Variants in EML6 observed in about 807,000 individuals in gnomAD.
EML6 encodes EMAP like 6.
EML6 carries 154 observed loss-of-function variants against 240.1 expected under a neutral mutation model. The ratio of observed to expected loss-of-function variants is 0.64; its 90% CI spans 0.56 to 0.73. The LOEUF (loss-of-function observed/expected upper bound fraction) is 0.73, where lower values mean the gene tolerates loss of function less well. Ranked by LOEUF, EML6 falls within the 30% of genes least tolerant of loss-of-function variation. The pLI, the probability that EML6 is intolerant of heterozygous loss-of-function variation, is 0.00. For synonymous variants in EML6, 1,148 were observed against 899.0 expected, an observed-to-expected ratio of 1.28 and a Z score of -4.95; for missense variants, 2,964 against 2,474.6, an observed-to-expected ratio of 1.20 and a Z score of -4.20.
chr2:54,765,431 A>T (rs1402008549), intron 2 of EML6, among the ~76,000 whole-genome samples: 2 of 152,164 alleles, frequency 1.3e-5, no homozygotes, highest in African/African-American at 4.8e-5. Flanking sequence ...TACAAACTTA[A>T]GGGCAAACAA....
intron 39 of EML6, 130 bp from the exon 40 acceptor site, chr2:54,967,998 G>A (rs1033375447): frequency 5.3e-5 from 44 of 837,420 alleles, no homozygotes; most frequent in South Asian, 1.6e-4. Flanking sequence ...GTACCGTTCC[G>A]TGGCCTGGCT....
intron 17 of EML6, 47 bp from the exon 18 acceptor site, chr2:54,891,007 C>T: frequency 1.1e-6 from 1 of 902,690 alleles, no homozygotes; most frequent in Non-Finnish European, 1.7e-6. Context: ...AAAACTGTTA[C>T]TGCTTCCATC....
chr2:54,859,639 T>C lies in EML6; in HGVS notation c.1763T>C (p.Val588Ala). 6.4e-7 allele frequency: 1 copy of C among 1,551,318 alleles called. No individual in the cohort carries two copies. Among genetic ancestry groups the C allele is most frequent in the Non-Finnish European group, 8.7e-7 (1 of 1,146,870 alleles). ...AGCACAGGAGGGGCTGATCACTCAG[T>C]TTTCCAGTGGAGGTTTATTCCAGAA... is the stretch of plus-strand genomic sequence containing the variant. ...VLSTGGADHS[V>A]FQWRFIPEGV... The change falls in exon 12 of 42, where the codon GTT (valine) becomes GCT (alanine). Residue 588 changes from valine to alanine, a missense_variant. Physicochemically the swap from Val to Ala is moderately conservative, Grantham distance 64. Transcript: ENST00000356458.
chr2:54,968,649 C>A lies in EML6; in HGVS notation c.5752-19C>A. 6.8e-7 allele frequency: 1 copy of A among 1,471,642 alleles called. No homozygotes were observed. The highest frequency in any genetic ancestry group is 9.3e-7 in the Non-Finnish European group (1 of 1,074,026). The allele number at this position is 1,471,642 out of a possible 1,614,324, so 91.2% of individuals were successfully genotyped here. On this transcript the variant is annotated intron_variant, in intron 40 of 41. Coordinates refer to ENST00000356458, the MANE Select transcript of EML6 (RefSeq NM_001039753.4). ...GGAGCCAGGGTCTCTTAGCTGTCTC[C>A]ATTCACTTTTGCTCACAGGCCAAAC...
intron 16 of EML6, among the ~76,000 whole-genome samples, chr2:54,873,421 A>G (rs1038019876): frequency 1.4e-4 from 22 of 152,244 alleles, no homozygotes; most frequent in Admixed American, 1.2e-3. Flanking sequence ...TGAATAACAC[A>G]GTCAGTAATT....
rs1199001928 is a variant in EML6 at position 54,866,895 on chromosome 2, T to C, written c.2051+11T>C. 3 of 1,483,772 alleles carry C rather than the reference T, an allele frequency of 2.0e-6. No homozygotes were observed. The highest frequency in any genetic ancestry group is 2.5e-5 in the East Asian group (1 of 40,556). 91.9% of individuals were successfully genotyped at this position (1,483,772 alleles called of 1,614,324 possible). A position where few individuals can be genotyped will look rare whatever the true frequency, so the allele number is the denominator to read the frequency against. On this transcript the variant is annotated intron_variant, in intron 14 of 41. Transcript: ENST00000356458. ...CCAGTTCATACACGGGTGGGTGGCC[T>C]GTCATGGGCGCCCGTATGTGTTCCT...
intron 23 of EML6, 50 bp from the exon 24 acceptor site, chr2:54,903,321 A>T (rs1673158138): frequency 1.2e-5 from 19 of 1,536,150 alleles, no homozygotes; most frequent in Non-Finnish European, 1.6e-5. Flanking sequence ...TCCTGGAAGT[A>T]AATTCCTATA....
rs1573000071 is a variant in EML6, at chr2:54,850,270, G to A, written c.1444+52G>A. On this transcript the variant is annotated intron_variant, in intron 10 of 41. Coordinates refer to ENST00000356458, the MANE Select transcript of EML6 (RefSeq NM_001039753.4). ...TTCTGGAAAGCAAAATTTTGAACCAGGTGAAGGAAATACAGGACAAGTGTC... is the reference window on the plus strand; with the variant it reads ...TTCTGGAAAGCAAAATTTTGAACCAAGTGAAGGAAATACAGGACAAGTGTC... 9 of 1,505,874 alleles carry A rather than the reference G, an allele frequency of 6.0e-6. No individual in the cohort carries two copies. In the East Asian group the frequency reaches 1.7e-4, roughly 29 times the overall value. 93.3% of individuals were successfully genotyped at this position (1,505,874 alleles called of 1,614,324 possible).
intron 38 of EML6, among the ~76,000 whole-genome samples, chr2:54,966,537 G>C (rs796272069): frequency 5.3e-5 from 8 of 152,356 alleles, no homozygotes; most frequent in African/African-American, 1.9e-4. Flanking sequence ...GTCACCCACT[G>C]TCCATGAGAA....
Position 54,822,804 on chromosome 2 carries a change from A to G in EML6, c.525+2342A>G, listed in dbSNP as rs143709370. On this transcript the variant is annotated intron_variant, in intron 5 of 41. Transcript: ENST00000356458. ...CCCTTGTATACTTCATTGTAAAATT[A>G]TTTTACAACAATATATATTCCAAAA... is the stretch of plus-strand genomic sequence containing the variant. Among the ~76,000 whole-genome samples the G allele has an allele frequency of 4.8e-3, 725 of 152,310 alleles. 5 individuals carry two copies. The highest frequency in any genetic ancestry group is 0.017 in the African/African-American group (695 of 41,572).
rs190392515 is a variant in EML6 at position 54,894,813 on chromosome 2, G to A, written c.2743-102G>A. ...TCCATCTCATATATTTAGGAAGGTA[G>A]CATCCACAAAGCTTCCTTACCTGCG... On this transcript the variant is annotated intron_variant, in intron 19 of 41. Transcript: ENST00000356458. 1.9e-4 allele frequency: 129 copies of A among 671,304 alleles called. 2 individuals carry two copies. The African/African-American group carries it at 2.1e-3, about 11-fold the overall frequency. 41.6% of individuals were successfully genotyped at this position (671,304 alleles called of 1,614,324 possible).
chr2:54,906,078 T>G (rs1201508831), intron 24 of EML6, among the ~76,000 whole-genome samples: 1 of 152,204 alleles, frequency 6.6e-6, no homozygotes, highest in Non-Finnish European at 1.5e-5. Flanking sequence ...GTAGTTCTAT[T>G]TTTAACTTTT....
intron 25 of EML6, among the ~76,000 whole-genome samples, chr2:54,915,647 T>A (rs1673871075): frequency 6.6e-6 from 1 of 152,140 alleles, no homozygotes; most frequent in African/African-American, 2.4e-5. Flanking sequence ...TTTGAGGGAC[T>A]AACAAATGTA....
At chr2:54,963,494 A>T (rs1477636925) in intron 36 of EML6, among the ~76,000 whole-genome samples, 1 of 152,182 alleles carries the variant, frequency 6.6e-6, no homozygotes. Flanking sequence ...AATTTACCCA[A>T]ACACACCCAG....
chr2:54,869,402 A>C lies in EML6; in HGVS notation c.2238+35A>C. 3 of 1,438,502 alleles carry C rather than the reference A, an allele frequency of 2.1e-6. No homozygotes were observed. The South Asian group carries it at 4.0e-5, about 19-fold the overall frequency. 89.1% of individuals were successfully genotyped at this position (1,438,502 alleles called of 1,614,324 possible). On this transcript the variant is annotated intron_variant, in intron 15 of 41. Coordinates refer to ENST00000356458, the MANE Select transcript of EML6 (RefSeq NM_001039753.4). ...TCCTGTAAACTAGGGCCTAGCCAAA[A>C]AGAGAATTTAATTTTTGAATTCAGT...
intron 26 of EML6, among the ~76,000 whole-genome samples, chr2:54,919,251 C>A (rs556793332): frequency 1.2e-4 from 17 of 146,734 alleles, no homozygotes; most frequent in East Asian, 2.1e-4. Context: ...TTCCCCCCCC[C>A]CCCAATCCTT....
At chr2:54,938,198 T>G (rs543469113) in intron 28 of EML6, among the ~76,000 whole-genome samples, 7 of 152,154 alleles carry the variant, frequency 4.6e-5, no homozygotes, top group African/African-American at 1.7e-4. Flanking sequence ...ATACAAAAAT[T>G]AGCTAGGCAT....
intron 16 of EML6, among the ~76,000 whole-genome samples, chr2:54,877,589 G>A (rs1671577547): frequency 6.6e-6 from 1 of 152,178 alleles, no homozygotes; most frequent in South Asian, 2.1e-4. Context: ...TGTTGGTAAT[G>A]AATAGGAAGT....
In EML6 at chr2:54,892,651, G is replaced by T; in HGVS notation, c.2737G>T (p.Asp913Tyr). 3.2e-6 allele frequency: 5 copies of T among 1,550,592 alleles called. No individual in the cohort carries two copies. Among genetic ancestry groups the T allele is most frequent in the Non-Finnish European group, 4.4e-6 (5 of 1,146,054 alleles). Residue 913 changes from aspartate to tyrosine, a missense_variant, in exon 19 of 42, where the codon GAT becomes TAT. Transcript: ENST00000356458. ...GCCTGTGTTTGCTATGTATGCACTG[G>T]ATAAGGTATGGCCTGTGTATCAGCA... Reference protein sequence around the residue: ...DGPVFAMYALDKGFVTGGKDG... With the variant: ...DGPVFAMYALYKGFVTGGKDG...
Sources: gnomAD v4.1 joint callset for allele counts (sites outside exome capture counted in the v4.1 genomes callset) on GRCh38, gnomAD v4.1.1 for gene constraint, MANE v1.5 for transcripts, NCBI Gene and HGNC (gene_info 2026-07-23, HGNC 2026-07-21) for gene names.